Variants in ZNF808 observed in about 807,000 individuals in gnomAD.
The protein encoded by ZNF808 is zinc finger protein 808.
Under a neutral mutation model 8.7 loss-of-function variants are expected in ZNF808, and 5 were observed. The observed-to-expected ratio is 0.58, with a 90% CI of 0.30 to 1.21. The LOEUF (loss-of-function observed/expected upper bound fraction) is 1.21, where lower values mean the gene tolerates loss of function less well. ZNF808 is among the 50% of genes most tolerant of loss of function. The pLI, the probability that ZNF808 is intolerant of heterozygous loss-of-function variation, is 0.07. For missense variants in ZNF808, 1,103 were observed against 1,098.4 expected (o/e 1.00, Z -0.06); for synonymous variants, 380 against 366.0 (o/e 1.04, Z -0.44).
At chr19:52,566,834 C>T (rs1435127446), downstream of ZNF808, among the ~76,000 whole-genome samples, 1 of 152,150 alleles carries the variant, frequency 6.6e-6, no homozygotes, top group Non-Finnish European at 1.5e-5. Flanking sequence ...ATCATACCTG[C>T]AAGGACAAAC....
chr19:52,549,899 G>T (rs1600016316), intron 4 of ZNF808, among the ~76,000 whole-genome samples: 1 of 152,252 alleles, frequency 6.6e-6, no homozygotes, highest in Non-Finnish European at 1.5e-5. Flanking sequence ...GCTTAAATCA[G>T]TGTGTGCAGG....
chr19:52,558,315 G>A (rs2059845625), downstream of ZNF808, among the ~76,000 whole-genome samples: 1 of 151,296 alleles, frequency 6.6e-6, no homozygotes, highest in South Asian at 2.1e-4. Flanking sequence ...GCCTGCCTCG[G>A]CCTCCCAAAG....
downstream of ZNF808, among the ~76,000 whole-genome samples, chr19:52,568,441 T>G (rs2059878206): frequency 6.6e-6 from 1 of 152,154 alleles, no homozygotes; most frequent in South Asian, 2.1e-4. Context: ...TTAAAAAGTT[T>G]TCGTGTAAAT....
downstream of ZNF808, among the ~76,000 whole-genome samples, chr19:52,567,068 C>T (rs2059874620): frequency 1.3e-5 from 2 of 151,946 alleles, no homozygotes; most frequent in Non-Finnish European, 2.9e-5. Flanking sequence ...TCTCCTGCCT[C>T]AGCCTCCTGA....
At chr19:52,531,491 T>A (rs375086) in intron 1 of ZNF808, among the ~76,000 whole-genome samples, 38,826 of 150,440 alleles carry the variant, frequency 0.26, 5,968 homozygotes, top group African/African-American at 0.43. Flanking sequence ...ATAAATAAAT[T>A]AATTAATTAA....
At chr19:52,549,862 A>T (rs2059758901) in intron 4 of ZNF808, among the ~76,000 whole-genome samples, 1 of 152,104 alleles carries the variant, frequency 6.6e-6, no homozygotes, top group East Asian at 1.9e-4. Context: ...GACCTTGTTC[A>T]TCCACTGGAC....
chr19:52,542,910 G>A (rs1271656823), intron 2 of ZNF808, among the ~76,000 whole-genome samples: 1 of 151,512 alleles, frequency 6.6e-6, no homozygotes, highest in East Asian at 1.9e-4. Context: ...CTGGGTTCAA[G>A]TGATTCTCCT....
At chr19:52,552,144 A>C (rs2059783195) in intron 4 of ZNF808, among the ~76,000 whole-genome samples, 1 of 151,690 alleles carries the variant, frequency 6.6e-6, no homozygotes, top group African/African-American at 2.4e-5. Flanking sequence ...CAGCCTCCCG[A>C]GTAGCTGGGA....
chr19:52,546,934 C>G (rs1485160326), intron 3 of ZNF808, among the ~76,000 whole-genome samples: 2 of 144,336 alleles, frequency 1.4e-5, no homozygotes, highest in East Asian at 4.0e-4. Flanking sequence ...GAGCCATTGC[C>G]TGGAATTGCT....
At chr19:52,531,564 CACAG>C (rs149962797) in intron 1 of ZNF808, among the ~76,000 whole-genome samples, 32,866 of 151,934 alleles carry the variant, frequency 0.22, 4,010 homozygotes, top group East Asian at 0.5. Context: ...CAAATTCTCT[CACAG>C]GCACCATCTG....
chr19:52,539,224 C>CTTG (rs2059644886), intron 2 of ZNF808, among the ~76,000 whole-genome samples: 1 of 136,516 alleles, frequency 7.3e-6, no homozygotes, highest in Non-Finnish European at 1.5e-5. Flanking sequence ...GATGGAGTCT[C>CTTG]TCTGTGTCAC....
chr19:52,535,710 ATTCCGCCCCGGCAGGGC>A (rs1568479130), intron 2 of ZNF808, among the ~76,000 whole-genome samples: 2 of 152,206 alleles, frequency 1.3e-5, no homozygotes, highest in African/African-American at 2.4e-5. Context: ...GAAATCGTAT[ATTCCGCCCCGGCAGGGC>A]TTTGCATTTC....
chr19:52,538,306 G>A (rs2059632837), intron 2 of ZNF808, among the ~76,000 whole-genome samples: 2 of 133,594 alleles, frequency 1.5e-5, no homozygotes, highest in South Asian at 4.8e-4. Context: ...ACAGGGATGA[G>A]CCACCGCGCC....
chr19:52,556,927 G>T (rs548626711), downstream of ZNF808, among the ~76,000 whole-genome samples: 2 of 152,202 alleles, frequency 1.3e-5, no homozygotes, highest in Non-Finnish European at 2.9e-5. Flanking sequence ...ATGGGCTGGA[G>T]TGGCATAGAA....
In ZNF808 at chr19:52,564,170, G is replaced by A. The variant is rs2059866775; in HGVS notation, c.*1275G>A. The stretch of plus-strand genomic sequence containing the variant: ...TCCCAGTGGATTCGAATGAAAACTG[G>A]CAATAAAATCAGGTCCAACTTTAAA... On this transcript the variant is annotated 3_prime_UTR_variant and NMD_transcript_variant, in exon 4 of 4. Transcript: ENST00000487863. The A allele has an allele frequency of 4.1e-6, 3 of 740,182 alleles. No individual in the cohort carries two copies. In the East Asian group the frequency reaches 7.7e-5, roughly 19 times the overall value. 45.9% of individuals were successfully genotyped at this position (740,182 alleles called of 1,614,324 possible).
chr19:52,555,174 A>T lies in ZNF808; in HGVS notation c.2258A>T (p.His753Leu), dbSNP rs1194901127. The T allele has an allele frequency of 5.6e-6, 9 of 1,613,646 alleles. No homozygotes were observed. The highest frequency in any genetic ancestry group is 7.6e-6 in the Non-Finnish European group (9 of 1,179,652). Residue 753 changes from histidine to leucine, a missense_variant, in exon 5 of 5, where the codon CAT (histidine) becomes CTT (leucine). Physicochemically the swap from His to Leu is moderately conservative, Grantham distance 99. Coordinates refer to ENST00000359798, the MANE Select transcript of ZNF808 (RefSeq NM_001039886.4). ...AGTCAGAAGGCAACCCTTCTATGCCATCGTAGACTTCATAGTGGTGAGAAA... is the reference window on the plus strand; with the variant it reads ...AGTCAGAAGGCAACCCTTCTATGCCTTCGTAGACTTCATAGTGGTGAGAAA... ...TFSQKATLLC[H>L]RRLHSGEKPY...
At chr19:52,536,312 G>C (rs1243419074) in intron 2 of ZNF808, among the ~76,000 whole-genome samples, 1 of 152,066 alleles carries the variant, frequency 6.6e-6, no homozygotes, top group Non-Finnish European at 1.5e-5. Context: ...ACCCTGTGCT[G>C]ACTCCACCCA....
intron 3 of ZNF808, among the ~76,000 whole-genome samples, chr19:52,562,585 A>G (rs190010301): frequency 6.6e-6 from 1 of 152,212 alleles, no homozygotes; most frequent in Admixed American, 6.5e-5. Flanking sequence ...TTATTGTGCA[A>G]TTTGTTTTAT....
chr19:52,529,093 G>T (rs73586713), intron 1 of ZNF808, among the ~76,000 whole-genome samples: 7,124 of 151,902 alleles, frequency 0.047, 477 homozygotes, highest in African/African-American at 0.15. Flanking sequence ...GAAGAAAGGG[G>T]GGCTAGGCAC....
Sources: allele counts gnomAD v4.1 joint callset (sites outside exome capture counted in the v4.1 genomes callset), GRCh38; gene constraint gnomAD v4.1.1; transcripts MANE v1.5; gene names NCBI Gene and HGNC (gene_info 2026-07-23, HGNC 2026-07-21).